Variants in FSTL5 observed in about 807,000 individuals in gnomAD.
FSTL5 encodes the protein follistatin like 5.
FSTL5 carries 62 observed loss-of-function variants against 89.1 expected under a neutral mutation model. That is an observed-to-expected ratio of 0.70 (90% confidence interval 0.57 to 0.86). The LOEUF (loss-of-function observed/expected upper bound fraction) is 0.86. FSTL5 is among the 40% of genes least tolerant of loss of function. FSTL5 has a pLI of 0.00. For missense variants in FSTL5, 1,057 were observed against 1,001.6 expected, an observed-to-expected ratio of 1.06 and a Z score of -0.75; for synonymous variants, 383 against 346.2, an observed-to-expected ratio of 1.11 and a Z score of -1.18.
intron 3 of FSTL5, among the ~76,000 whole-genome samples, chr4:161,973,774 T>C (rs1735552728): frequency 1.3e-5 from 2 of 152,166 alleles, no homozygotes; most frequent in African/African-American, 4.8e-5. Flanking sequence ...GCTTCTACTA[T>C]TGAGCAATCA....
intron 1 of FSTL5, among the ~76,000 whole-genome samples, chr4:162,149,480 A>T (rs765308350): frequency 4.6e-5 from 4 of 86,802 alleles, no homozygotes; most frequent in Non-Finnish European, 1.1e-4. Flanking sequence ...TGTAAAATTT[A>T]AAAAAAAAAA....
chr4:161,996,257 G>T (rs1170918728), intron 3 of FSTL5, among the ~76,000 whole-genome samples: 1 of 152,206 alleles, frequency 6.6e-6, no homozygotes, highest in East Asian at 1.9e-4. Flanking sequence ...ACTCCAGTGG[G>T]TGGCTGCAGG....
intron 4 of FSTL5, among the ~76,000 whole-genome samples, chr4:161,815,321 T>C (rs900164206): frequency 6.6e-6 from 1 of 152,084 alleles, no homozygotes; most frequent in African/African-American, 2.4e-5. Flanking sequence ...TTTCAGCTGA[T>C]ATGTATTTTC....
intron 1 of FSTL5, among the ~76,000 whole-genome samples, chr4:162,118,752 G>T (rs1249058589): frequency 6.6e-6 from 1 of 152,000 alleles, no homozygotes; most frequent in African/African-American, 2.4e-5. Flanking sequence ...GAGCAAGAAA[G>T]GGAAAACAGA....
At chr4:162,015,027 T>C (rs1263761598) in intron 3 of FSTL5, among the ~76,000 whole-genome samples, 1 of 152,188 alleles carries the variant, frequency 6.6e-6, no homozygotes, top group African/African-American at 2.4e-5. Flanking sequence ...ATGTTCCTAG[T>C]GCAAACTTTC....
intron 1 of FSTL5, among the ~76,000 whole-genome samples, chr4:162,156,152 A>C (rs1246919506): frequency 6.6e-6 from 1 of 152,140 alleles, no homozygotes; most frequent in African/African-American, 2.4e-5. Flanking sequence ...TCCACGTCAC[A>C]AATCAATCAT....
intron 8 of FSTL5, among the ~76,000 whole-genome samples, chr4:161,570,325 T>C (rs74725672): frequency 0.022 from 3,421 of 152,278 alleles, 133 homozygotes; most frequent in African/African-American, 0.077. Context: ...TATGGAGATC[T>C]GGCGAAGAAT....
rs75684786 is a variant in FSTL5 at position 161,803,273 on chromosome 4, C to T, written c.410-27199G>A. The stretch of plus-strand genomic sequence containing the variant: ...GATTCTGTATTTAAAAATTGGCATT[C>T]AAGCATCTACAAGTTCTTGTAGACA... On this transcript the variant is annotated intron_variant, in intron 4 of 15. Transcript: ENST00000306100. Among the ~76,000 whole-genome samples, 1,154 of 152,006 alleles carry T rather than the reference C, an allele frequency of 7.6e-3. 14 individuals are homozygous for T. The highest frequency in any genetic ancestry group is 0.026 in the African/African-American group (1,081 of 41,498).
chr4:162,022,481 G>T (rs1256831855), intron 3 of FSTL5, among the ~76,000 whole-genome samples: 1 of 151,908 alleles, frequency 6.6e-6, no homozygotes, highest in Non-Finnish European at 1.5e-5. Context: ...TCCATGAAAG[G>T]ATAGCAATTT....
chr4:161,721,145 G>A (rs2126751118), intron 6 of FSTL5, among the ~76,000 whole-genome samples: 1 of 151,816 alleles, frequency 6.6e-6, no homozygotes, highest in South Asian at 2.1e-4. Context: ...GGGCGCGGTG[G>A]CGGGCGCCTG....
At chr4:161,544,027 G>GC (rs750167134) in intron 8 of FSTL5, among the ~76,000 whole-genome samples, 1 of 151,770 alleles carries the variant, frequency 6.6e-6, no homozygotes, top group Non-Finnish European at 1.5e-5. Flanking sequence ...TTACAAATCA[G>GC]CAGCTAAAAA....
intron 6 of FSTL5, among the ~76,000 whole-genome samples, chr4:161,683,907 T>C (rs536887313): frequency 1.2e-4 from 18 of 152,280 alleles, no homozygotes; most frequent in Admixed American, 5.9e-4. Context: ...TTCCCAGTCT[T>C]TCCCCCTGAG....
At chr4:161,929,280 G>C (rs1467156111) in intron 3 of FSTL5, among the ~76,000 whole-genome samples, 1 of 148,022 alleles carries the variant, frequency 6.8e-6, no homozygotes, top group Non-Finnish European at 1.5e-5. Flanking sequence ...AACTCTAATG[G>C]TATGGGTCTG....
At chr4:162,065,072 C>A (rs1317505366) in intron 2 of FSTL5, among the ~76,000 whole-genome samples, 2 of 151,842 alleles carry the variant, frequency 1.3e-5, no homozygotes, top group African/African-American at 2.4e-5. Context: ...TGAAATTAGG[C>A]CCATGTCTTA....
At chr4:162,073,625 T>A (rs1295128536) in intron 2 of FSTL5, among the ~76,000 whole-genome samples, 1 of 151,806 alleles carries the variant, frequency 6.6e-6, no homozygotes, top group Non-Finnish European at 1.5e-5. Flanking sequence ...TAACAGCAAG[T>A]ATAAAAAATA....
At chr4:162,102,361 T>C (rs1299024850) in intron 2 of FSTL5, among the ~76,000 whole-genome samples, 1 of 151,608 alleles carries the variant, frequency 6.6e-6, no homozygotes, top group Non-Finnish European at 1.5e-5. Flanking sequence ...ATCAGCATTC[T>C]ATTTACATCT....
intron 3 of FSTL5, among the ~76,000 whole-genome samples, chr4:161,981,402 G>T (rs1011119904): frequency 3.9e-5 from 6 of 151,994 alleles, no homozygotes; most frequent in African/African-American, 1.5e-4. Context: ...AGACTTCCAG[G>T]GATTATCTAG....
chr4:161,787,626 T>C (rs542358486), intron 4 of FSTL5, among the ~76,000 whole-genome samples: 61 of 152,232 alleles, frequency 4.0e-4, no homozygotes, highest in African/African-American at 1.4e-3. Context: ...AAAAGAGACG[T>C]TGCTCTTCTC....
chr4:161,663,959 C>T (rs1312355292), intron 6 of FSTL5, among the ~76,000 whole-genome samples: 11 of 151,966 alleles, frequency 7.2e-5, no homozygotes, highest in Non-Finnish European at 4.4e-5. Flanking sequence ...GTGGCTTCCA[C>T]TCTCTGAATC....
Sources: gnomAD v4.1 joint callset for allele counts (sites outside exome capture counted in the v4.1 genomes callset) on GRCh38, gnomAD v4.1.1 for gene constraint, MANE v1.5 for transcripts, NCBI Gene and HGNC (gene_info 2026-07-23, HGNC 2026-07-21) for gene names.